SCAF8: variants seen among roughly 807,000 people sequenced by gnomAD.
SCAF8 encodes SR-related and CTD-associated factor 8.
Under a neutral mutation model 140.5 loss-of-function variants are expected in SCAF8, and 23 were observed. That is an observed-to-expected ratio of 0.16 (90% CI 0.12 to 0.23). SCAF8 has a LOEUF of 0.23. Ranked by LOEUF, SCAF8 falls within the 10% of genes least tolerant of loss-of-function variation. The pLI is 1.00. For missense variants in SCAF8, 1,397 were observed against 1,555.7 expected, an observed-to-expected ratio of 0.90 and a Z score of 1.72; for synonymous variants, 575 against 528.9, an observed-to-expected ratio of 1.09 and a Z score of -1.20.
intron 3 of SCAF8, among the ~76,000 whole-genome samples, chr6:154,779,107 A>G (rs1213691556): frequency 6.6e-6 from 1 of 152,114 alleles, no homozygotes; most frequent in African/African-American, 2.4e-5. Flanking sequence ...ATTTCGGCTC[A>G]CTGCAACCTC....
At chr6:154,787,032 A>G (rs1313487169) in intron 3 of SCAF8, among the ~76,000 whole-genome samples, 1 of 152,202 alleles carries the variant, frequency 6.6e-6, no homozygotes, top group African/African-American at 2.4e-5. Context: ...TGCTTCCCTA[A>G]CTACATAGGC....
chr6:154,827,420 T>C (rs1362702290), intron 18 of SCAF8, among the ~76,000 whole-genome samples, 180 bp downstream of exon 18: 1 of 152,212 alleles, frequency 6.6e-6, no homozygotes, highest in Non-Finnish European at 1.5e-5. Context: ...CTTGGTTGTC[T>C]TAAACTCTTA....
At chr6:154,802,859 A>T in intron 7 of SCAF8, among the ~76,000 whole-genome samples, 1 of 152,156 alleles carries the variant, frequency 6.6e-6, no homozygotes. Flanking sequence ...ACTTCTCTAC[A>T]ACTAGTCACT....
chr6:154,832,893 G>A lies in SCAF8; in HGVS notation c.3314G>A (p.Arg1105Gln), dbSNP rs1778793918. Reference sequence around the variant, plus strand: ...GGAGATTTTGATGAGAGAGAGCATCGGGTTCTACCGGTCTATGGTGGTCCA... The same window carrying A: ...GGAGATTTTGATGAGAGAGAGCATCAGGTTCTACCGGTCTATGGTGGTCCA... The part of the protein sequence containing the change: ...HRGDFDEREH[R>Q]VLPVYGGPKG... Residue 1105 changes from arginine to glutamine, a missense_variant, in exon 20 of 20, where the codon CGG becomes CAG. This residue lies in a region of SCAF8 where 930 missense variants were observed against 874.6 expected (regional missense o/e 1.06). Transcript: ENST00000367178. 3 of 1,613,904 alleles carry A rather than the reference G, an allele frequency of 1.9e-6. No individual in the cohort carries two copies. Among genetic ancestry groups the A allele is most frequent in the Non-Finnish European group, 2.5e-6 (3 of 1,179,998 alleles).
chr6:154,806,691 A>G (rs1234287688), intron 9 of SCAF8, among the ~76,000 whole-genome samples: 2 of 152,208 alleles, frequency 1.3e-5, no homozygotes, highest in Non-Finnish European at 1.5e-5. Context: ...AAACAGTAAT[A>G]TAAAATGGAT....
chr6:154,761,331 C>A (rs1281413927), intron 1 of SCAF8, among the ~76,000 whole-genome samples: 1 of 152,024 alleles, frequency 6.6e-6, no homozygotes, highest in Non-Finnish European at 1.5e-5. Context: ...ACTAGAAATA[C>A]AAAAATTTGC....
intron 9 of SCAF8, among the ~76,000 whole-genome samples, chr6:154,805,946 C>G (rs891276004): frequency 6.6e-6 from 1 of 152,062 alleles, no homozygotes; most frequent in Non-Finnish European, 1.5e-5. Flanking sequence ...TAGCATGTAG[C>G]AGGAGCTTTA....
intron 17 of SCAF8, among the ~76,000 whole-genome samples, chr6:154,826,335 TCTTTC>T (rs1468351804): frequency 2.6e-5 from 4 of 152,160 alleles, no homozygotes; most frequent in Non-Finnish European, 5.9e-5. Context: ...GTATTTTTAT[TCTTTC>T]CTTATTTTTA....
intron 6 of SCAF8, among the ~76,000 whole-genome samples, chr6:154,801,512 A>G (rs569610859): frequency 1.3e-5 from 2 of 151,584 alleles, no homozygotes; most frequent in African/African-American, 4.8e-5. Flanking sequence ...AGATGACACT[A>G]TTATTAATAA....
intron 15 of SCAF8, among the ~76,000 whole-genome samples, chr6:154,821,911 A>G (rs1583066624): frequency 1.3e-5 from 2 of 152,140 alleles, no homozygotes; most frequent in East Asian, 3.8e-4. Context: ...ATTGTATTGG[A>G]TTAATACTCT....
chr6:154,833,694 AAG>A lies in SCAF8; in HGVS notation c.*301_*302del, dbSNP rs1163719886. 2.8e-5 allele frequency: 7 copies of A among 249,286 alleles called. No homozygotes were observed. The highest frequency in any genetic ancestry group is 1.6e-4 in the African/African-American group (7 of 44,088). 15.4% of individuals were successfully genotyped at this position (249,286 alleles called of 1,614,324 possible). A position where few individuals can be genotyped will look rare whatever the true frequency, so the allele number is the denominator to read the frequency against. On this transcript the variant is annotated 3_prime_UTR_variant, in exon 20 of 20. Coordinates refer to ENST00000367178, the MANE Select transcript of SCAF8 (RefSeq NM_014892.5). Reference sequence around the variant, plus strand: ...CTTGTCAGAGACTTCCTATGGAAGAAAGAATTTTTTAGATACTATCATTAGGT... The same window carrying A: ...CTTGTCAGAGACTTCCTATGGAAGAAAATTTTTTAGATACTATCATTAGGT...
intron 3 of SCAF8, among the ~76,000 whole-genome samples, chr6:154,779,005 G>A (rs986695107): frequency 2.0e-5 from 3 of 152,004 alleles, no homozygotes; most frequent in Non-Finnish European, 4.4e-5. Context: ...AAGTTTTAAT[G>A]TCTGGTTTTG....
chr6:154,831,174 T>C (rs1343532639), intron 19 of SCAF8, 34 bp downstream of exon 19: 5 of 1,347,242 alleles, frequency 3.7e-6, no homozygotes, highest in South Asian at 2.7e-5. Flanking sequence ...AAAAAAGAGG[T>C]TGCCTCTCTG....
chr6:154,809,759 C>T (rs1562457766), intron 11 of SCAF8, among the ~76,000 whole-genome samples: 1 of 152,092 alleles, frequency 6.6e-6, no homozygotes, highest in Non-Finnish European at 1.5e-5. Flanking sequence ...AAGTGAGGCC[C>T]TTTCTAGAAT....
chr6:154,819,203 A>G (rs572357881), intron 14 of SCAF8, among the ~76,000 whole-genome samples: 1 of 152,328 alleles, frequency 6.6e-6, no homozygotes, highest in East Asian at 1.9e-4. Context: ...CTTTCATTAA[A>G]GTTAATATAT....
intron 1 of SCAF8, among the ~76,000 whole-genome samples, chr6:154,767,209 G>A (rs145945190): frequency 4.0e-4 from 61 of 152,274 alleles, no homozygotes; most frequent in African/African-American, 1.3e-3. Context: ...GCCAGCCAGT[G>A]TCTTCTGTCT....
intron 1 of SCAF8, among the ~76,000 whole-genome samples, chr6:154,765,512 G>A (rs1314164590): frequency 6.6e-6 from 1 of 152,148 alleles, no homozygotes; most frequent in Non-Finnish European, 1.5e-5. Flanking sequence ...AACGAAACTA[G>A]TTAAATATAG....
chr6:154,749,879 G>A (rs1229883792), intron 1 of SCAF8, among the ~76,000 whole-genome samples: 1 of 152,112 alleles, frequency 6.6e-6, no homozygotes, highest in Non-Finnish European at 1.5e-5. Flanking sequence ...GGATGAGTTT[G>A]GGATAGGAAG....
chr6:154,808,667 TG>T lies in SCAF8; in HGVS notation c.1114-18del. The T allele has an allele frequency of 6.8e-7, 1 of 1,473,996 alleles. No homozygotes were observed. The highest frequency in any genetic ancestry group is 2.3e-5 in the East Asian group (1 of 44,226). 91.3% of individuals were successfully genotyped at this position (1,473,996 alleles called of 1,614,324 possible). A position where few individuals can be genotyped will look rare whatever the true frequency, so the allele number is the denominator to read the frequency against. ...TCAACCAGCCTTTCTGTTTGTTTGC[TG>T]TTCTTTTGACTTTCAAGGATATGGA... On this transcript the variant is annotated intron_variant, in intron 10 of 19. Coordinates refer to ENST00000367178, the MANE Select transcript of SCAF8 (RefSeq NM_014892.5).
Sources: allele counts gnomAD v4.1 joint callset (sites outside exome capture counted in the v4.1 genomes callset), GRCh38; gene constraint gnomAD v4.1.1; regional missense constraint gnomAD v4.1.1; transcripts MANE v1.5; gene names NCBI Gene and HGNC (gene_info 2026-07-23, HGNC 2026-07-21).